The following FRMD4A variants were observed in gnomAD, a reference collection of about 807,000 sequenced individuals.
FRMD4A encodes the protein FERM domain-containing protein 4A.
In FRMD4A, 29 loss-of-function variants were observed where a neutral mutation model predicts 129.1. That is an observed-to-expected ratio of 0.22 (90% CI 0.17 to 0.31). FRMD4A has a LOEUF of 0.31. Among genes scored for constraint, FRMD4A ranks in the 10% least tolerant of loss-of-function variants. FRMD4A has a pLI of 1.00. For missense variants in FRMD4A, 1,272 were observed against 1,375.8 expected (o/e 0.92, Z 1.19); for synonymous variants, 634 against 571.6 (o/e 1.11, Z -1.56).
At chr10:14,299,164 A>G (rs995086169) in intron 2 of FRMD4A, among the ~76,000 whole-genome samples, 1 of 152,182 alleles carries the variant, frequency 6.6e-6, no homozygotes, top group Non-Finnish European at 1.5e-5. Context: ...AGGTGACAAG[A>G]TTCCTGAGCT....
chr10:14,308,971 T>C (rs1350260190), intron 2 of FRMD4A, among the ~76,000 whole-genome samples: 3 of 152,252 alleles, frequency 2.0e-5, no homozygotes, highest in African/African-American at 7.2e-5. Context: ...TGGAGAGTTA[T>C]TCAAAGATTC....
At chr10:14,152,211 T>C (rs545154623) in intron 2 of FRMD4A, among the ~76,000 whole-genome samples, 27 of 131,482 alleles carry the variant, frequency 2.1e-4, no homozygotes, top group African/African-American at 7.4e-4. Context: ...CACTGCAAGC[T>C]CCACCTCCTG....
intron 2 of FRMD4A, among the ~76,000 whole-genome samples, chr10:14,086,289 C>T (rs1410457256): frequency 6.6e-6 from 1 of 152,194 alleles, no homozygotes; most frequent in East Asian, 1.9e-4. Context: ...CACTTGTATG[C>T]CTTCCGTAGA....
At chr10:14,264,501 C>T (rs1056457694) in intron 2 of FRMD4A, among the ~76,000 whole-genome samples, 1 of 152,208 alleles carries the variant, frequency 6.6e-6, no homozygotes, top group Non-Finnish European at 1.5e-5. Context: ...TTAATTCAAT[C>T]AACAGATACT....
intron 2 of FRMD4A, among the ~76,000 whole-genome samples, chr10:14,231,677 T>C (rs139215175): frequency 1.3e-5 from 2 of 152,300 alleles, no homozygotes; most frequent in African/African-American, 4.8e-5. Flanking sequence ...CATTTCTCTA[T>C]TAGTGATGTT....
intron 2 of FRMD4A, among the ~76,000 whole-genome samples, chr10:13,994,152 G>A (rs896500996): frequency 2.0e-5 from 3 of 150,034 alleles, no homozygotes; most frequent in African/African-American, 7.4e-5. Context: ...GGGATGACAG[G>A]AGTGTGCCAC....
chr10:13,726,911 T>C (rs971898425), intron 12 of FRMD4A, among the ~76,000 whole-genome samples: 4 of 149,310 alleles, frequency 2.7e-5, no homozygotes, highest in East Asian at 2.0e-4. Flanking sequence ...TGCTTTTTTT[T>C]CTGAGACAGG....
At chr10:13,957,237 T>C (rs1374690915) in intron 2 of FRMD4A, among the ~76,000 whole-genome samples, 1 of 152,168 alleles carries the variant, frequency 6.6e-6, no homozygotes, top group Admixed American at 6.5e-5. Context: ...AGTGTTTATG[T>C]TTCTGCATCT....
intron 2 of FRMD4A, among the ~76,000 whole-genome samples, chr10:14,296,205 C>A (rs1404478500): frequency 1.3e-5 from 2 of 152,142 alleles, no homozygotes; most frequent in African/African-American, 4.8e-5. Flanking sequence ...ATATTTCCTG[C>A]AGAGGCCTTT....
chr10:14,055,649 C>T (rs532649651), intron 2 of FRMD4A, among the ~76,000 whole-genome samples: 67 of 152,200 alleles, frequency 4.4e-4, no homozygotes, highest in Non-Finnish European at 8.1e-4. Context: ...AGTTTTAAAA[C>T]ACCAACTTTA....
chr10:13,910,888 GAAA>G (rs141449954), intron 2 of FRMD4A, among the ~76,000 whole-genome samples: 12 of 83,050 alleles, frequency 1.4e-4, no homozygotes, highest in Middle Eastern at 6.0e-3. Context: ...GGAGTTTCAT[GAAA>G]AAAAAAAAAA....
At chr10:14,081,014 C>T (rs753596742) in intron 2 of FRMD4A, among the ~76,000 whole-genome samples, 2 of 152,046 alleles carry the variant, frequency 1.3e-5, no homozygotes, top group Non-Finnish European at 2.9e-5. Flanking sequence ...TAAATCACAG[C>T]TCTTTACTGC....
chr10:14,111,903 T>C (rs928616937), intron 2 of FRMD4A, among the ~76,000 whole-genome samples: 1 of 145,832 alleles, frequency 6.9e-6, no homozygotes, highest in South Asian at 2.2e-4. Flanking sequence ...CCTAATCCAT[T>C]GTAGATACTC....
intron 2 of FRMD4A, among the ~76,000 whole-genome samples, chr10:13,973,790 GGAGGGTGAAGAGT>G: frequency 7.1e-6 from 1 of 140,640 alleles, no homozygotes; most frequent in African/African-American, 3.1e-5. Flanking sequence ...TGAAAGGGAG[GGAGGGTGAAGAGT>G]AAATTAAATT....
At chr10:14,084,128 A>G (rs1274933146) in intron 2 of FRMD4A, among the ~76,000 whole-genome samples, 2 of 152,178 alleles carry the variant, frequency 1.3e-5, no homozygotes, top group African/African-American at 4.8e-5. Context: ...GGAAAGTAAA[A>G]AGGCCCATGC....
intron 5 of FRMD4A, among the ~76,000 whole-genome samples, chr10:13,790,707 G>A (rs1410029814): frequency 6.6e-6 from 1 of 152,026 alleles, no homozygotes; most frequent in African/African-American, 2.4e-5. Context: ...CAGGGGGTAC[G>A]ATGGCACCAG....
intron 15 of FRMD4A, among the ~76,000 whole-genome samples, chr10:13,690,586 G>A (rs1325166814): frequency 6.6e-6 from 1 of 152,212 alleles, no homozygotes; most frequent in Non-Finnish European, 1.5e-5. Context: ...TGTTTTTCAG[G>A]CTCAAACTTG....
chr10:14,224,779 C>T (rs1359516150), intron 2 of FRMD4A, among the ~76,000 whole-genome samples: 1 of 152,174 alleles, frequency 6.6e-6, no homozygotes, highest in African/African-American at 2.4e-5. Flanking sequence ...AGAGAATTGA[C>T]TAATTTCATT....
chr10:13,659,595 C>T (rs1281496549), intron 20 of FRMD4A, 105 bp from the exon 21 acceptor site: 1 of 1,143,354 alleles, frequency 8.7e-7, no homozygotes, highest in African/African-American at 1.5e-5. Flanking sequence ...GAAAGCTCGC[C>T]CGTGACTCCC....
Sources: allele counts gnomAD v4.1 joint callset (sites outside exome capture counted in the v4.1 genomes callset), GRCh38; gene constraint gnomAD v4.1.1; transcripts MANE v1.5; gene names NCBI Gene and HGNC (gene_info 2026-07-23, HGNC 2026-07-21).